TSHZ3: variants seen among roughly 807,000 people sequenced by gnomAD.
The protein encoded by TSHZ3 is teashirt zinc finger homeobox 3, also known as teashirt homolog 3.
TSHZ3 carries 10 observed loss-of-function variants against 64.5 expected under a neutral mutation model. That is an observed-to-expected ratio of 0.16 (90% CI 0.10 to 0.26). The LOEUF (loss-of-function observed/expected upper bound fraction) is 0.26, where lower values mean the gene tolerates loss of function less well. TSHZ3 is among the 10% of genes least tolerant of loss of function. TSHZ3 has a pLI of 1.00. For synonymous variants in TSHZ3, 608 were observed against 593.1 expected (o/e 1.03, Z -0.36); for missense variants, 1,242 against 1,421.7 (o/e 0.87, Z 2.03).
intron 1 of TSHZ3, among the ~76,000 whole-genome samples, chr19:31,300,810 C>G (rs2145141994): frequency 6.6e-6 from 1 of 152,286 alleles, no homozygotes; most frequent in South Asian, 2.1e-4. Flanking sequence ...TCCATCCACC[C>G]AGAACCAGCT....
chr19:31,212,211 T>A (rs1975266149), intron 4 of TSHZ3, among the ~76,000 whole-genome samples: 1 of 152,096 alleles, frequency 6.6e-6, no homozygotes, highest in African/African-American at 2.4e-5. Context: ...ATACCAGCAA[T>A]TTGGGAGGCC....
chr19:31,293,054 C>G (rs890307505), intron 1 of TSHZ3, among the ~76,000 whole-genome samples: 1 of 148,582 alleles, frequency 6.7e-6, no homozygotes, highest in Non-Finnish European at 1.5e-5. Flanking sequence ...TCCATCCATC[C>G]AAAAATGTAT....
chr19:31,306,419 T>A (rs556902660), intron 1 of TSHZ3, among the ~76,000 whole-genome samples: 4 of 152,294 alleles, frequency 2.6e-5, no homozygotes, highest in Admixed American at 6.5e-5. Context: ...AAGATACAGT[T>A]AATGCAAAGT....
intron 5 of TSHZ3, among the ~76,000 whole-genome samples, chr19:31,166,601 C>G (rs1974455568): frequency 6.6e-6 from 1 of 152,192 alleles, no homozygotes; most frequent in Non-Finnish European, 1.5e-5. Context: ...CTGGGGTCAA[C>G]TGGGCTAATG....
intron 5 of TSHZ3, among the ~76,000 whole-genome samples, chr19:31,170,841 T>A (rs1974526050): frequency 6.6e-6 from 1 of 152,220 alleles, no homozygotes; most frequent in African/African-American, 2.4e-5. Flanking sequence ...GGTAAGGCAA[T>A]CTGAAAACAT....
rs575081819 is a variant in TSHZ3 at position 31,308,608 on chromosome 19, G to A, written c.41-28856C>T. ...TCTGGGGTTTGCTTCCTTCCCAGGT[G>A]TTTTAGGCTCCACAGGTACACAGGG... On this transcript the variant is annotated intron_variant, in intron 1 of 1. Transcript: ENST00000240587. 739 of 398,554 alleles carry A rather than the reference G, an allele frequency of 1.9e-3. 1 individual carries two copies. The highest frequency in any genetic ancestry group is 2.9e-3 in the Non-Finnish European group (651 of 226,072). 24.7% of individuals were successfully genotyped at this position (398,554 alleles called of 1,614,324 possible). A position where few individuals can be genotyped will look rare whatever the true frequency, so the allele number is the denominator to read the frequency against.
chr19:31,150,067 G>A lies in TSHZ3; in HGVS notation n.2549C>T, dbSNP rs545658988. 1.8e-4 allele frequency among the ~76,000 whole-genome samples: 27 copies of A among 152,300 alleles called. No homozygotes were observed. The East Asian group carries it at 1.9e-3, about 11-fold the overall frequency. ...ATGTGGAGGCTTTGAATCATTCGCC[G>A]AGCACGGTGGGAGGACTTCTGTGAA... On this transcript the variant is annotated non_coding_transcript_exon_variant, in exon 7 of 7. Coordinates refer to the TSHZ3 transcript ENST00000651361.
chr19:31,277,408 C>A lies in TSHZ3; in HGVS notation c.2385G>T (p.Gly795=). ...NNDQPIDLTK[G]KSDKGCSLGS... is the part of the protein sequence containing the mutation. Reference sequence around the variant, plus strand: ...CCAAGGAGCAGCCTTTGTCACTCTTCCCTTTTGTCAAGTCTATGGGCTGGT... The same window carrying A: ...CCAAGGAGCAGCCTTTGTCACTCTTACCTTTTGTCAAGTCTATGGGCTGGT... The change falls in exon 2 of 2, where the codon GGG becomes GGT. Residue 795 remains glycine (G), a synonymous_variant. Transcript: ENST00000240587. The surrounding 1 kb of genome is among the most constrained non-coding windows in gnomAD (Gnocchi z 4.5). The A allele has an allele frequency of 6.2e-7, 1 of 1,614,100 alleles. No individual in the cohort carries two copies.
Position 31,276,007 on chromosome 19 carries a change from C to A in TSHZ3, c.*540G>T, listed in dbSNP as rs1047520210. On this transcript the variant is annotated 3_prime_UTR_variant, in exon 2 of 2. Coordinates refer to ENST00000240587, the MANE Select transcript of TSHZ3 (RefSeq NM_020856.4). The stretch of plus-strand genomic sequence containing the variant: ...AATAATATTCTTTTAAATTTCAAGG[C>A]GTGTTATACCCCTGCAGACCTGCAT... 6.6e-6 allele frequency: 1 copy of A among 152,426 alleles called. No homozygotes were observed. The highest frequency in any genetic ancestry group is 1.5e-5 in the Non-Finnish European group (1 of 68,040). The allele number at this position is 152,426 out of a possible 1,614,324, so 9.4% of individuals were successfully genotyped here. A position where few individuals can be genotyped will look rare whatever the true frequency, so the allele number is the denominator to read the frequency against.
At position 31,278,852 on chromosome 19, in the gene TSHZ3, G is replaced by C. The variant is rs528782093; in HGVS notation, c.941C>G (p.Ala314Gly). The change falls in exon 2 of 2, where the codon GCC becomes GGC. Residue 314 changes from alanine to glycine, a missense_variant. Around this residue, in one of 4 missense-constraint regions of TSHZ3, gnomAD observed 555 missense variants for 704.0 expected, o/e 0.79. Coordinates refer to ENST00000240587, the MANE Select transcript of TSHZ3 (RefSeq NM_020856.4). The surrounding 1 kb of genome is among the most constrained non-coding windows in gnomAD (Gnocchi z 4.7). ...CTTCCGAGTGGCAGGGATGATTTTG[G>C]CGGCGACAGGAGTGACGGGTTCCTT... The part of the protein sequence containing the change: ...PLKEPVTPVA[A>G]KIIPATRKKA... 184 of 1,614,096 alleles carry C rather than the reference G, an allele frequency of 1.1e-4. No individual in the cohort carries two copies. In the South Asian group the frequency reaches 1.9e-3, roughly 17 times the overall value.
intron 1 of TSHZ3, among the ~76,000 whole-genome samples, chr19:31,348,592 G>T (rs1216547515): frequency 6.6e-6 from 1 of 152,142 alleles, no homozygotes; most frequent in Admixed American, 6.5e-5. Context: ...CACAAACAGG[G>T]GAGAAGGAAA....
At chr19:31,230,392 G>A (rs915668795) in intron 3 of TSHZ3, among the ~76,000 whole-genome samples, 2 of 152,016 alleles carry the variant, frequency 1.3e-5, no homozygotes, top group African/African-American at 4.8e-5. Flanking sequence ...ATTATCTCTG[G>A]GCGGCAAAAG....
intron 4 of TSHZ3, among the ~76,000 whole-genome samples, chr19:31,225,983 A>C (rs1975454774): frequency 6.6e-6 from 1 of 152,006 alleles, no homozygotes; most frequent in Admixed American, 6.6e-5. Flanking sequence ...AAAAATGAGC[A>C]GGGTGTGTTA....
At chr19:31,213,388 A>AAAAAAAAAAC (rs1975286547) in intron 4 of TSHZ3, among the ~76,000 whole-genome samples, 1 of 146,828 alleles carries the variant, frequency 6.8e-6, no homozygotes, top group African/African-American at 2.6e-5. Flanking sequence ...AAAAAAAAAA[A>AAAAAAAAAAC]AAATCAGTGG....
chr19:31,198,268 C>A (rs1419327701), intron 5 of TSHZ3, among the ~76,000 whole-genome samples: 1 of 152,056 alleles, frequency 6.6e-6, no homozygotes, highest in Non-Finnish European at 1.5e-5. Context: ...TAAAAACTAT[C>A]AGTAAACCAG....
intron 3 of TSHZ3, among the ~76,000 whole-genome samples, chr19:31,231,672 A>G (rs1308321166): frequency 2.6e-5 from 4 of 152,196 alleles, no homozygotes; most frequent in Non-Finnish European, 2.9e-5. Context: ...TTGATTCAGA[A>G]ATCATTATTT....
intron 1 of TSHZ3, among the ~76,000 whole-genome samples, chr19:31,309,130 G>A (rs1414337797): frequency 6.6e-6 from 1 of 152,222 alleles, no homozygotes; most frequent in South Asian, 2.1e-4. Context: ...GGTGTTGCCC[G>A]CCACCCCTTG....
intron 5 of TSHZ3, among the ~76,000 whole-genome samples, chr19:31,180,347 C>A (rs183377696): frequency 1.3e-5 from 2 of 152,310 alleles, no homozygotes; most frequent in Admixed American, 1.3e-4. Context: ...CCACCATAGG[C>A]ACTTAGCAAA....
intron 1 of TSHZ3, among the ~76,000 whole-genome samples, chr19:31,323,516 T>TA (rs1159229912): frequency 3.3e-5 from 5 of 152,238 alleles, no homozygotes; most frequent in Admixed American, 2.0e-4. Context: ...TTCTTTTCTT[T>TA]ATCTTTGTTG....
Sources: gnomAD v4.1 joint callset for allele counts (sites outside exome capture counted in the v4.1 genomes callset) on GRCh38, gnomAD v4.1.1 for gene constraint, gnomAD v4.1.1 regional missense constraint, Gnocchi (gnomAD v3.1) non-coding constraint, MANE v1.5 for transcripts, NCBI Gene and HGNC (gene_info 2026-07-23, HGNC 2026-07-21) for gene names.